Variants in CSNK2A2IP observed in about 807,000 individuals in gnomAD.
The protein encoded by CSNK2A2IP is casein kinase 2 subunit alpha' interacting protein, also known as casein kinase II subunit alpha'-interacting protein.
At chr3:88,408,161 G>A in the CSNK2A2IP span, among the ~76,000 whole-genome samples, 3 of 152,182 alleles carry the variant, frequency 2.0e-5, no homozygotes, top group Admixed American at 6.5e-5. Context: ...AAAAGAAATA[G>A]AAGTAAGACA....
At chr3:88,450,912 C>G in the CSNK2A2IP span, among the ~76,000 whole-genome samples, 1 of 151,962 alleles carries the variant, frequency 6.6e-6, no homozygotes, top group Non-Finnish European at 1.5e-5. Flanking sequence ...TTTTTAATTT[C>G]TTTAGAAATC....
chr3:88,454,258 A>T, the CSNK2A2IP span, among the ~76,000 whole-genome samples: 2 of 151,826 alleles, frequency 1.3e-5, no homozygotes, highest in Non-Finnish European at 2.9e-5. Context: ...TATTTAGCTA[A>T]TTTTTTATTT....
the CSNK2A2IP span, among the ~76,000 whole-genome samples, chr3:88,423,586 T>A: frequency 6.6e-6 from 1 of 152,046 alleles, no homozygotes; most frequent in Admixed American, 6.6e-5. Flanking sequence ...AGATGAGGAA[T>A]TTGAGGCACT....
the CSNK2A2IP span, among the ~76,000 whole-genome samples, chr3:88,434,517 A>C: frequency 1.4e-4 from 22 of 152,116 alleles, no homozygotes; most frequent in East Asian, 3.9e-4. Flanking sequence ...TAGCTAGAAA[A>C]CAAAACCAAA....
At chr3:88,419,925 G>A in the CSNK2A2IP span, among the ~76,000 whole-genome samples, 1 of 152,106 alleles carries the variant, frequency 6.6e-6, no homozygotes, top group East Asian at 1.9e-4. Flanking sequence ...AGATCCAGAA[G>A]GCTCTAAGGG....
At chr3:88,351,888 T>C in the CSNK2A2IP span, among the ~76,000 whole-genome samples, 3 of 152,114 alleles carry the variant, frequency 2.0e-5, no homozygotes, top group Admixed American at 6.6e-5. Context: ...ATTTTCAGAG[T>C]TCATCATTTA....
chr3:88,433,213 C>T, the CSNK2A2IP span, among the ~76,000 whole-genome samples: 1 of 151,964 alleles, frequency 6.6e-6, no homozygotes, highest in Non-Finnish European at 1.5e-5. Context: ...CTGATCCCGA[C>T]TTAATAAGTA....
At chr3:88,379,339 A>C in the CSNK2A2IP span, among the ~76,000 whole-genome samples, 2 of 152,082 alleles carry the variant, frequency 1.3e-5, no homozygotes, top group African/African-American at 4.8e-5. Flanking sequence ...GCTTATTTCT[A>C]TGGTTAATTG....
chr3:88,455,602 CTATT>C, the CSNK2A2IP span, among the ~76,000 whole-genome samples: 2 of 151,766 alleles, frequency 1.3e-5, no homozygotes, highest in African/African-American at 4.8e-5. Context: ...TGGATATTAA[CTATT>C]TATCGGATAT....
the CSNK2A2IP span, among the ~76,000 whole-genome samples, chr3:88,407,353 A>G: frequency 6.6e-6 from 1 of 150,476 alleles, no homozygotes; most frequent in Non-Finnish European, 1.5e-5. Context: ...CATATCTTGT[A>G]ACATTTAGTA....
At chr3:88,352,901 T>C in the CSNK2A2IP span, among the ~76,000 whole-genome samples, 1 of 152,172 alleles carries the variant, frequency 6.6e-6, no homozygotes, top group Non-Finnish European at 1.5e-5. Context: ...AAAACAAATT[T>C]ATCCTAAACT....
At chr3:88,369,675 G>GT in the CSNK2A2IP span, among the ~76,000 whole-genome samples, 5 of 151,930 alleles carry the variant, frequency 3.3e-5, no homozygotes. Context: ...AGCAGGGAGA[G>GT]AGTAGAGGTG....
the CSNK2A2IP span, chr3:88,467,001 C>T: frequency 8.2e-7 from 1 of 1,220,412 alleles, no homozygotes; most frequent in African/African-American, 1.6e-5. Context: ...TCCCTGAAGA[C>T]AACCTTGAAG....
the CSNK2A2IP span, among the ~76,000 whole-genome samples, chr3:88,369,748 T>A: frequency 6.6e-6 from 1 of 151,826 alleles, no homozygotes. Flanking sequence ...TGTCTTTGAT[T>A]GAGTACATTC....
At chr3:88,350,185 A>G in the CSNK2A2IP span, among the ~76,000 whole-genome samples, 1 of 152,132 alleles carries the variant, frequency 6.6e-6, no homozygotes. Flanking sequence ...AGCCAAGGAC[A>G]TTCTGGTAAC....
chr3:88,398,958 A>G, the CSNK2A2IP span, among the ~76,000 whole-genome samples: 1 of 152,194 alleles, frequency 6.6e-6, no homozygotes, highest in South Asian at 2.1e-4. Flanking sequence ...CTTATTCATA[A>G]ATGATTTTTT....
the CSNK2A2IP span, among the ~76,000 whole-genome samples, chr3:88,459,614 T>C: frequency 6.6e-6 from 1 of 152,130 alleles, no homozygotes. Context: ...GTAGTGATAG[T>C]AAATATGCTA....
At chr3:88,380,799 G>T in the CSNK2A2IP span, among the ~76,000 whole-genome samples, 7 of 152,206 alleles carry the variant, frequency 4.6e-5, no homozygotes, top group Admixed American at 3.9e-4. Flanking sequence ...AGAGAGTAAA[G>T]GGTGTAGACC....
the CSNK2A2IP span, among the ~76,000 whole-genome samples, chr3:88,381,467 C>T: frequency 1.3e-5 from 2 of 152,098 alleles, no homozygotes; most frequent in African/African-American, 2.4e-5. Flanking sequence ...AAGGTACTAA[C>T]TATTACTGTT....
Sources: gnomAD v4.1 joint callset for allele counts (sites outside exome capture counted in the v4.1 genomes callset) on GRCh38, gnomAD v4.1.1 for gene constraint, MANE v1.5 for transcripts, NCBI Gene and HGNC (gene_info 2026-07-23, HGNC 2026-07-21) for gene names.